The following ZNF668 variants were observed in gnomAD, a reference collection of about 807,000 sequenced individuals.
ZNF668 encodes the protein zinc finger protein 668.
Under a neutral mutation model 40.3 loss-of-function variants are expected in ZNF668, and 10 were observed. That is an observed-to-expected ratio of 0.25 (90% CI 0.15 to 0.42). The LOEUF (loss-of-function observed/expected upper bound fraction) is 0.42, where lower values mean the gene tolerates loss of function less well. Among genes scored for constraint, ZNF668 ranks in the 10% least tolerant of loss-of-function variants. The pLI is 1.00. For synonymous variants in ZNF668, 428 were observed against 384.6 expected (o/e 1.11, Z -1.32); for missense variants, 749 against 904.6 (o/e 0.83, Z 2.21).
rs1380707385 is a variant in ZNF668 at position 31,061,797 on chromosome 16, G to C, written c.1131C>G (p.Ala377=). ...EECGRAFAER[A]SLTKHSRVHS... is the part of the protein sequence containing the mutation. The stretch of plus-strand genomic sequence containing the variant: ...GCACCCGGCTATGCTTCGTGAGGCT[G>C]GCACGCTCGGCGAAGGCTCGCCCGC... Residue 377 remains alanine (A), a synonymous_variant, in exon 3 of 3, where the codon GCC becomes GCG. Transcript: ENST00000300849. The surrounding 1 kb of genome is among the most constrained non-coding windows in gnomAD (Gnocchi z 7.7). The C allele has an allele frequency of 3.7e-6, 6 of 1,611,854 alleles. No homozygotes were observed. In the African/African-American group the frequency reaches 8.0e-5, roughly 22 times the overall value.
chr16:31,065,139 AT>A, intron 1 of ZNF668: 1 of 1,001,666 alleles, frequency 1.0e-6, no homozygotes, highest in Non-Finnish European at 1.2e-6. Context: ...AACTCTGGTA[AT>A]GGAGAATCAC....
chr16:31,061,913 G>C lies in ZNF668; in HGVS notation c.1015C>G (p.Leu339Val). The change falls in exon 3 of 3, where the codon CTG (leucine) becomes GTG (valine). Residue 339 changes from leucine (L) to valine (V), a missense_variant. Leu to Val is a conservative substitution (Grantham distance 32). Around this residue, in one of 4 missense-constraint regions of ZNF668, gnomAD observed 129 missense variants for 231.2 expected, o/e 0.56. Transcript: ENST00000300849. The surrounding 1 kb of genome is among the most constrained non-coding windows in gnomAD (Gnocchi z 7.7). The stretch of plus-strand genomic sequence containing the variant: ...GCCACGAACGTCTTGTCACATTGCA[G>C]GCACTTGAACGGCCGGTCGCCTGTG... The part of the protein sequence containing the change: ...VHTGDRPFKC[L>V]QCDKTFVASW... 1 of 1,613,370 alleles carries C rather than the reference G, an allele frequency of 6.2e-7. No homozygotes were observed. Among genetic ancestry groups the C allele is most frequent in the Non-Finnish European group, 8.5e-7 (1 of 1,179,706 alleles).
At chr16:31,070,208 G>T (rs1056625139) in intron 1 of ZNF668, among the ~76,000 whole-genome samples, 1 of 150,904 alleles carries the variant, frequency 6.6e-6, no homozygotes, top group Non-Finnish European at 1.5e-5. Context: ...GTGAGCCACC[G>T]CGCCCGGCCC....
rs999865538 is a variant in ZNF668 at position 31,062,397 on chromosome 16, C to G, written c.648-117G>C. 2.9e-6 allele frequency: 4 copies of G among 1,393,332 alleles called. No homozygotes were observed. The African/African-American group carries it at 5.7e-5, about 20-fold the overall frequency. The allele number at this position is 1,393,332 out of a possible 1,614,324, so 86.3% of individuals were successfully genotyped here. On this transcript the variant is annotated intron_variant, in intron 2 of 2. Coordinates refer to ENST00000300849, the MANE Select transcript of ZNF668 (RefSeq NM_024706.5). The stretch of plus-strand genomic sequence containing the variant: ...CGTTCGTGGGGGCCTAGGCTTAATC[C>G]CCTAAGAGCCACATGGCTGCACCCC...
intron 1 of ZNF668, chr16:31,064,714 G>T (rs1277017361): frequency 5.1e-5 from 79 of 1,533,984 alleles, no homozygotes; most frequent in Non-Finnish European, 6.4e-5. Flanking sequence ...GGTCACAAAA[G>T]ATTCACCTAC....
chr16:31,072,498 T>A (rs1164608560), intron 1 of ZNF668, among the ~76,000 whole-genome samples: 1 of 152,230 alleles, frequency 6.6e-6, no homozygotes, highest in East Asian at 1.9e-4. Context: ...AGGAAGGGGA[T>A]GAAGTTCTGC....
Position 31,061,773 on chromosome 16 carries a change from C to A in ZNF668, c.1155G>T (p.Val385=). 1.2e-6 allele frequency: 2 copies of A among 1,612,874 alleles called. No homozygotes were observed. Among genetic ancestry groups the A allele is most frequent in the Non-Finnish European group, 1.7e-6 (2 of 1,179,854 alleles). The change falls in exon 3 of 3, where the codon GTG becomes GTT. Residue 385 remains valine, a synonymous_variant. Transcript: ENST00000300849. The surrounding 1 kb of genome is among the most constrained non-coding windows in gnomAD (Gnocchi z 7.7). ...ERASLTKHSR[V]HSGERPFHCN... ...AGTGGAAGGGGCGCTCCCCCGAGTG[C>A]ACCCGGCTATGCTTCGTGAGGCTGG...
At chr16:31,063,542 C>G (rs1245778685) in intron 2 of ZNF668, among the ~76,000 whole-genome samples, 1 of 152,114 alleles carries the variant, frequency 6.6e-6, no homozygotes, top group Non-Finnish European at 1.5e-5. Flanking sequence ...CAGAACTGCC[C>G]AACTCCAAAC....
chr16:31,061,233 A>T lies in ZNF668; in HGVS notation c.1695T>A (p.Thr565=). The T allele has an allele frequency of 1.3e-6, 2 of 1,531,626 alleles. No individual in the cohort carries two copies. Among genetic ancestry groups the T allele is most frequent in the African/African-American group, 2.8e-5 (2 of 72,236 alleles). 94.9% of individuals were successfully genotyped at this position (1,531,626 alleles called of 1,614,324 possible). ...AGGTGTAGGGGCGCACTGAGCTGTGAGTGCGGCTGTGTTTGCGCAGCCCAG... is the reference window on the plus strand; with the variant it reads ...AGGTGTAGGGGCGCACTGAGCTGTGTGTGCGGCTGTGTTTGCGCAGCCCAG... The part of the protein sequence containing the change: ...DRAGLRKHSR[T]HSSVRPYTCP... The change falls in exon 3 of 3, where the codon ACT becomes ACA. Residue 565 remains threonine, a synonymous_variant. Coordinates refer to ENST00000300849, the MANE Select transcript of ZNF668 (RefSeq NM_024706.5). The surrounding 1 kb of genome is among the most constrained non-coding windows in gnomAD (Gnocchi z 7.7).
At chr16:31,065,245 C>T (rs763786002) in intron 1 of ZNF668, among the ~76,000 whole-genome samples, 14 of 152,254 alleles carry the variant, frequency 9.2e-5, no homozygotes, top group Non-Finnish European at 1.9e-4. Context: ...GATACCAGCT[C>T]TAGCTGAGAT....
chr16:31,062,422 C>T (rs1197248875), intron 2 of ZNF668, 142 bp from the exon 3 acceptor site: 1 of 1,220,106 alleles, frequency 8.2e-7, no homozygotes, highest in African/African-American at 1.5e-5. Context: ...GGCTGCACCC[C>T]AGAGGAAGAA....
rs2056971011 is a variant in ZNF668, at chr16:31,065,008, T to C, written c.-22-527A>G. On this transcript the variant is annotated intron_variant, in intron 1 of 2. Coordinates refer to ENST00000300849, the MANE Select transcript of ZNF668 (RefSeq NM_024706.5). ...GTGTTTTCTTTCCTCCTCTGGATGG[T>C]TAGTCCTCAGAGACAGCAACTGTTC... 5.2e-6 allele frequency: 6 copies of C among 1,164,138 alleles called. No individual in the cohort carries two copies. In the East Asian group the frequency reaches 3.1e-4, roughly 60 times the overall value. 72.1% of individuals were successfully genotyped at this position (1,164,138 alleles called of 1,614,324 possible).
intron 2 of ZNF668, chr16:31,062,490 C>T: frequency 1.5e-6 from 1 of 673,274 alleles, no homozygotes; most frequent in Non-Finnish European, 2.4e-6. Context: ...CATTAAAGAC[C>T]AAGATATGGG....
chr16:31,066,872 C>A (rs1392301058), intron 1 of ZNF668, among the ~76,000 whole-genome samples: 2 of 151,988 alleles, frequency 1.3e-5, no homozygotes, highest in Non-Finnish European at 2.9e-5. Flanking sequence ...GAGAGTCTGC[C>A]TGATAATGTT....
Position 31,061,415 on chromosome 16 carries a change from C to G in ZNF668, c.1513G>C (p.Gly505Arg), listed in dbSNP as rs774750178. 8.7e-6 allele frequency: 14 copies of G among 1,613,840 alleles called. No homozygotes were observed. Among genetic ancestry groups the G allele is most frequent in the Middle Eastern group, 1.6e-4 (1 of 6,084 alleles). The change falls in exon 3 of 3, where the codon GGG becomes CGG. Residue 505 changes from glycine to arginine, a missense_variant. Coordinates refer to ENST00000300849, the MANE Select transcript of ZNF668 (RefSeq NM_024706.5). This position sits in a 1 kb window ranked among gnomAD's most constrained non-coding sequence, Gnocchi z 7.7. ...PGPLEGAGEA[G>R]GEEADEKPPQ... Reference sequence around the variant, plus strand: ...GGCTTCTCGTCAGCCTCCTCACCCCCCGCCTCGCCTGCCCCTTCCAAGGGA... The same window carrying G: ...GGCTTCTCGTCAGCCTCCTCACCCCGCGCCTCGCCTGCCCCTTCCAAGGGA...
chr16:31,061,138 G>A lies in ZNF668; in HGVS notation c.1790C>T (p.Pro597Leu), dbSNP rs752392346. 15 of 1,510,750 alleles carry A rather than the reference G, an allele frequency of 9.9e-6. No homozygotes were observed. The highest frequency in any genetic ancestry group is 1.3e-5 in the Non-Finnish European group (15 of 1,131,386). 93.6% of individuals were successfully genotyped at this position (1,510,750 alleles called of 1,614,324 possible). The change falls in exon 3 of 3, where the codon CCC (proline) becomes CTC (leucine). Residue 597 changes from proline to leucine, a missense_variant. Around this residue, in one of 4 missense-constraint regions of ZNF668, gnomAD observed 310 missense variants for 355.1 expected, o/e 0.87. Coordinates refer to ENST00000300849, the MANE Select transcript of ZNF668 (RefSeq NM_024706.5). The surrounding 1 kb of genome is among the most constrained non-coding windows in gnomAD (Gnocchi z 7.7). ...LRKHERTHPV[P>L]MGTPTPLEPL... is the part of the protein sequence containing the mutation. ...CTCCAGGGGTGTGGGGGTCCCCATG[G>A]GCACAGGGTGGGTGCGTTCATGCTT...
Position 31,061,740 on chromosome 16 carries a change from T to C in ZNF668, c.1188A>G (p.Ala396=). 1 of 1,613,528 alleles carries C rather than the reference T, an allele frequency of 6.2e-7. No individual in the cohort carries two copies. Among genetic ancestry groups the C allele is most frequent in the Non-Finnish European group, 8.5e-7 (1 of 1,179,886 alleles). ...HSGERPFHCN[A]CGKSFVVSSS... ...ACGACACCACAAAGGATTTCCCACA[T>C]GCGTTACAGTGGAAGGGGCGCTCCC... The change falls in exon 3 of 3, where the codon GCA becomes GCG. Residue 396 remains alanine (A), a synonymous_variant. Transcript: ENST00000300849. The surrounding 1 kb of genome is among the most constrained non-coding windows in gnomAD (Gnocchi z 7.7).
chr16:31,063,730 G>T, intron 2 of ZNF668, 83 bp downstream of exon 2: 1 of 1,394,070 alleles, frequency 7.2e-7, no homozygotes, highest in Non-Finnish European at 9.5e-7. Context: ...ACTTTACCCT[G>T]AGACTCAAAC....
chr16:31,068,239 AATATATAT>A lies in ZNF668; in HGVS notation c.-22-3766_-22-3759del, dbSNP rs869069195. Among the ~76,000 whole-genome samples the A allele has an allele frequency of 2.2e-3, 183 of 82,922 alleles. 4 individuals carry two copies. Among genetic ancestry groups the A allele is most frequent in the Middle Eastern group, 8.5e-3 (1 of 118 alleles). The allele number at this position is 82,922 out of a possible 152,430, so 54.4% of individuals were successfully genotyped here. The stretch of plus-strand genomic sequence containing the variant: ...CACCATTAAAAAAAAAAAAAAAAAA[AATATATAT>A]ATATATATATATATATATAATTTTT... On this transcript the variant is annotated intron_variant, in intron 1 of 2. Coordinates refer to ENST00000300849, the MANE Select transcript of ZNF668 (RefSeq NM_024706.5).
Sources: gnomAD v4.1 joint callset for allele counts (sites outside exome capture counted in the v4.1 genomes callset) on GRCh38, gnomAD v4.1.1 for gene constraint, gnomAD v4.1.1 regional missense constraint, Gnocchi (gnomAD v3.1) non-coding constraint, MANE v1.5 for transcripts, NCBI Gene and HGNC (gene_info 2026-07-23, HGNC 2026-07-21) for gene names.